MPND: variants seen among roughly 807,000 people sequenced by gnomAD.
The protein encoded by MPND is MPN domain containing, also known as MPN domain-containing protein.
MPND carries 56 observed loss-of-function variants against 59.2 expected under a neutral mutation model. That is an observed-to-expected ratio of 0.95 (90% CI 0.76 to 1.18). The LOEUF (loss-of-function observed/expected upper bound fraction) is 1.18, where lower values mean the gene tolerates loss of function less well. Among genes scored for constraint, MPND ranks in the 50% most tolerant of loss-of-function variants. The pLI is 0.00. For missense variants in MPND, 671 were observed against 676.0 expected, an observed-to-expected ratio of 0.99 and a Z score of 0.08; for synonymous variants, 323 against 291.9, an observed-to-expected ratio of 1.11 and a Z score of -1.09.
chr19:4,359,996 G>T lies in MPND; in HGVS notation c.1500G>T (p.Gly500=), dbSNP rs1203178296. Residue 500 remains glycine (G), a synonymous_variant, in exon 13 of 13, where the codon GGG becomes GGT. Transcript: ENST00000599840. The part of the protein sequence containing the change: ...LEQVCGVLKQ[G]S ...AGGTGTGCGGCGTCCTCAAGCAGGG[G>T]AGCTGAGCCTTCCAGGGCAGGGTGG... 6.4e-7 allele frequency: 1 copy of T among 1,561,886 alleles called. No individual in the cohort carries two copies.
Position 4,354,936 on chromosome 19 carries a change from C to T in MPND, c.847-13C>T. On this transcript the variant is annotated splice_polypyrimidine_tract_variant and intron_variant, in intron 6 of 12. Coordinates refer to ENST00000599840, the MANE Select transcript of MPND (RefSeq NM_001300862.2). ...AGCCTGAGCCAGTCTTTTGCTGTTC[C>T]TCCCTTCCCCAGGACTTCCACAGTC... 1 of 1,576,368 alleles carries T rather than the reference C, an allele frequency of 6.3e-7. No homozygotes were observed. The highest frequency in any genetic ancestry group is 2.2e-5 in the East Asian group (1 of 44,478).
At chr19:4,359,052 T>G in intron 11 of MPND, 111 bp from the exon 12 acceptor site, 2 of 687,146 alleles carry the variant, frequency 2.9e-6, no homozygotes, top group Non-Finnish European at 5.2e-6. Context: ...GGTTGGTTTG[T>G]TAGTGATGGG....
chr19:4,351,140 G>A (rs1438526325), intron 3 of MPND, among the ~76,000 whole-genome samples: 3 of 152,188 alleles, frequency 2.0e-5, no homozygotes, highest in Admixed American at 1.3e-4. Context: ...GTCTCGCTCC[G>A]TCACCCAGGC....
chr19:4,355,000 C>A lies in MPND; in HGVS notation c.898C>A (p.Arg300Ser). 1 of 1,501,936 alleles carries A rather than the reference C, an allele frequency of 6.7e-7. No homozygotes were observed. The highest frequency in any genetic ancestry group is 9.0e-7 in the Non-Finnish European group (1 of 1,116,408). 93.0% of individuals were successfully genotyped at this position (1,501,936 alleles called of 1,614,324 possible). The change falls in exon 7 of 13, where the codon CGC becomes AGC. Residue 300 changes from arginine (R) to serine (S), a missense_variant. Coordinates refer to ENST00000599840, the MANE Select transcript of MPND (RefSeq NM_001300862.2). ...TGAGGTCGTGGGTTACCTGGGGGGC[C>A]GCTGGGACGTCAACAGCCAGAGTGG... is the stretch of plus-strand genomic sequence containing the variant. ...RSEVVGYLGG[R>S]WDVNSQMLTV... is the part of the protein sequence containing the mutation.
chr19:4,353,797 G>A (rs1417657443), intron 4 of MPND: 2 of 449,656 alleles, frequency 4.4e-6, no homozygotes, highest in Non-Finnish European at 8.0e-6. Flanking sequence ...TCCTGGACTT[G>A]AGCAATCCTC....
chr19:4,352,841 C>CGG (rs67576371), intron 3 of MPND, 56 bp from the exon 4 acceptor site: 14 of 1,299,438 alleles, frequency 1.1e-5, no homozygotes, highest in South Asian at 3.1e-5. Context: ...TAGCAGGGAG[C>CGG]GGGGGGGCAC....
At chr19:4,345,239 G>A (rs369312074) in intron 2 of MPND, among the ~76,000 whole-genome samples, 1 of 151,216 alleles carries the variant, frequency 6.6e-6, no homozygotes, top group Non-Finnish European at 1.5e-5. Context: ...TAGAGATGGG[G>A]TTTCACCATG....
Position 4,343,564 on chromosome 19 carries a change from C to G in MPND, c.-30C>G. 8.2e-7 allele frequency: 1 copy of G among 1,221,746 alleles called. No individual in the cohort carries two copies. The highest frequency in any genetic ancestry group is 1.0e-6 in the Non-Finnish European group (1 of 981,524). The allele number at this position is 1,221,746 out of a possible 1,614,324, so 75.7% of individuals were successfully genotyped here. ...GCGTGACGTGCCGGGAAGCCGGAGT[C>G]TAGAGCTCCGGGCGCGGGGAGGCGC... On this transcript the variant is annotated 5_prime_UTR_variant, in exon 1 of 13. Transcript: ENST00000599840.
chr19:4,353,729 T>G, intron 4 of MPND: 9 of 273,176 alleles, frequency 3.3e-5, no homozygotes, highest in Non-Finnish European at 5.0e-5. Context: ...ACCCGGCTAA[T>G]TTTTGTATTT....
rs750125524 is a variant in MPND, at chr19:4,354,141, C to T, written c.749+12C>T. On this transcript the variant is annotated intron_variant, in intron 5 of 12. Coordinates refer to ENST00000599840, the MANE Select transcript of MPND (RefSeq NM_001300862.2). ...CGCGACTTGGCCAGGTCAGACTCAC[C>T]CCAAGTTCTGCCCCTGCCCCAGCTC... The T allele has an allele frequency of 4.1e-5, 65 of 1,604,876 alleles. No homozygotes were observed. The highest frequency in any genetic ancestry group is 8.4e-5 in the Admixed American group (5 of 59,786).
intron 3 of MPND, among the ~76,000 whole-genome samples, chr19:4,352,190 TAAAAG>T (rs373715689): frequency 2.9e-4 from 44 of 151,208 alleles, no homozygotes; most frequent in Admixed American, 7.2e-4. Context: ...AAAAAAAAGA[TAAAAG>T]AATAGATAGA....
intron 12 of MPND, among the ~76,000 whole-genome samples, 161 bp from the exon 13 acceptor site, chr19:4,359,755 T>C (rs1972537747): frequency 1.3e-5 from 2 of 152,084 alleles, no homozygotes; most frequent in Admixed American, 1.3e-4. Context: ...GGTTACATAC[T>C]GCCCCACTGG....
At chr19:4,359,389 G>A in intron 12 of MPND, 134 bp downstream of exon 12, 1 of 647,642 alleles carries the variant, frequency 1.5e-6, no homozygotes, top group Non-Finnish European at 2.7e-6. Flanking sequence ...TGGTGACCCT[G>A]GTCACCCCGT....
Position 4,345,733 on chromosome 19 carries a change from CTG to C in MPND, c.295-10_295-9del. On this transcript the variant is annotated splice_polypyrimidine_tract_variant and intron_variant, in intron 2 of 12. Coordinates refer to ENST00000599840, the MANE Select transcript of MPND (RefSeq NM_001300862.2). ...GTTGGTCCTGGGCCCAGCCAGCTGA[CTG>C]TCACTGCAGGGGAAGAAGTTCCTGG... 6.2e-7 allele frequency: 1 copy of C among 1,613,298 alleles called. No individual in the cohort carries two copies. The highest frequency in any genetic ancestry group is 8.5e-7 in the Non-Finnish European group (1 of 1,179,538).
chr19:4,344,370 G>A (rs1029431888), intron 2 of MPND, among the ~76,000 whole-genome samples: 1 of 150,610 alleles, frequency 6.6e-6, no homozygotes, highest in African/African-American at 2.4e-5. Context: ...TGTGGGGAGG[G>A]GAAACTGAGG....
At chr19:4,353,581 A>C (rs1334559270) in intron 4 of MPND, among the ~76,000 whole-genome samples, 1 of 145,818 alleles carries the variant, frequency 6.9e-6, no homozygotes, top group Non-Finnish European at 1.5e-5. Flanking sequence ...TGTTTTTTTG[A>C]GACAGGGTTT....
intron 8 of MPND, among the ~76,000 whole-genome samples, 185 bp downstream of exon 8, chr19:4,355,358 C>T (rs1195823656): frequency 8.4e-5 from 8 of 95,064 alleles, no homozygotes; most frequent in African/African-American, 2.6e-4. Context: ...TTTTTTGAGA[C>T]GGAGTCTCGC....
At chr19:4,356,247 C>T (rs983755096) in intron 8 of MPND, among the ~76,000 whole-genome samples, 7 of 152,024 alleles carry the variant, frequency 4.6e-5, no homozygotes, top group African/African-American at 1.2e-4. Flanking sequence ...GTAAAATGAG[C>T]GGCTTCAATG....
Position 4,355,096 on chromosome 19 carries a change from G to C in MPND, c.920-1G>C. 2 of 1,613,998 alleles carry C rather than the reference G, an allele frequency of 1.2e-6. No homozygotes were observed. Among genetic ancestry groups the C allele is most frequent in the Non-Finnish European group, 1.7e-6 (2 of 1,180,018 alleles). On this transcript the variant is annotated splice_acceptor_variant, in intron 7 of 12. Coordinates refer to ENST00000599840, the MANE Select transcript of MPND (RefSeq NM_001300862.2). LOFTEE classifies it high-confidence loss of function. ...GGGGTCACAGCTGCCCCTCCCCACA[G>C]TGCTGACGGTGCTCAGAGCCTTCCC... is the stretch of plus-strand genomic sequence containing the variant.
Sources: gnomAD v4.1 joint callset for allele counts (sites outside exome capture counted in the v4.1 genomes callset) on GRCh38, gnomAD v4.1.1 for gene constraint, MANE v1.5 for transcripts, NCBI Gene and HGNC (gene_info 2026-07-23, HGNC 2026-07-21) for gene names.